PHF20: variants seen among roughly 807,000 people sequenced by gnomAD.
The protein encoded by PHF20 is glioma-expressed antigen 2.
In PHF20, 23 loss-of-function variants were observed where a neutral mutation model predicts 113.5. That is an observed-to-expected ratio of 0.20 (90% CI 0.15 to 0.29). PHF20 has a LOEUF of 0.29. Ranked by LOEUF, PHF20 falls within the 10% of genes least tolerant of loss-of-function variation. The pLI is 1.00. For missense variants in PHF20, 943 were observed against 1,219.6 expected, an observed-to-expected ratio of 0.77 and a Z score of 3.38; for synonymous variants, 434 against 457.3, an observed-to-expected ratio of 0.95 and a Z score of 0.65.
intron 7 of PHF20, 41 bp from the exon 8 acceptor site, chr20:35,870,914 T>C: frequency 6.8e-6 from 10 of 1,462,458 alleles, no homozygotes; most frequent in Non-Finnish European, 9.2e-6. Flanking sequence ...TTATTTCTTC[T>C]TGTTGGTCTC....
chr20:35,904,094 T>C (rs79242605), intron 10 of PHF20, among the ~76,000 whole-genome samples: 9,093 of 152,030 alleles, frequency 0.06, 428 homozygotes, highest in African/African-American at 0.13. Context: ...GGGAGTTCAG[T>C]TGGGGAGACG....
chr20:35,913,003 C>G (rs552621703), intron 10 of PHF20, among the ~76,000 whole-genome samples: 1 of 152,182 alleles, frequency 6.6e-6, no homozygotes, highest in African/African-American at 2.4e-5. Flanking sequence ...GTGAAAGACA[C>G]GTAACCAATG....
intron 2 of PHF20, among the ~76,000 whole-genome samples, chr20:35,817,070 G>A (rs1333375329): frequency 2.0e-5 from 3 of 151,768 alleles, no homozygotes; most frequent in African/African-American, 7.3e-5. Flanking sequence ...GATTACAGAC[G>A]TGAGCCACTG....
At chr20:35,922,330 T>A (rs1285121721) in intron 13 of PHF20, among the ~76,000 whole-genome samples, 1 of 152,240 alleles carries the variant, frequency 6.6e-6, no homozygotes, top group African/African-American at 2.4e-5. Context: ...TAGAGGGAGC[T>A]AGCTAGAACA....
Position 35,950,316 on chromosome 20 carries a change from A to G in PHF20, c.*2689A>G, listed in dbSNP as rs766919613. On this transcript the variant is annotated 3_prime_UTR_variant, in exon 18 of 18. Transcript: ENST00000374012. The stretch of plus-strand genomic sequence containing the variant: ...GTTGCTTTGAAGCAATATTTGCAAA[A>G]CACGCAGACTTCTGTATCTGTATTT... 1 of 152,652 alleles carries G rather than the reference A, an allele frequency of 6.6e-6. No homozygotes were observed. The highest frequency in any genetic ancestry group is 6.5e-5 in the Admixed American group (1 of 15,278). 9.5% of individuals were successfully genotyped at this position (152,652 alleles called of 1,614,324 possible).
At chr20:35,777,883 A>G (rs2041207158) in intron 1 of PHF20, among the ~76,000 whole-genome samples, 1 of 152,188 alleles carries the variant, frequency 6.6e-6, no homozygotes, top group Non-Finnish European at 1.5e-5. Flanking sequence ...AGAAATCTGT[A>G]TTTCAAATAA....
chr20:35,935,217 G>T (rs1170979339), intron 15 of PHF20, among the ~76,000 whole-genome samples: 3 of 152,058 alleles, frequency 2.0e-5, no homozygotes, highest in Non-Finnish European at 2.9e-5. Context: ...AATAATAATT[G>T]TTATCCTCCC....
intron 5 of PHF20, among the ~76,000 whole-genome samples, chr20:35,861,773 T>C (rs1264927348): frequency 1.3e-5 from 2 of 152,196 alleles, no homozygotes; most frequent in Non-Finnish European, 2.9e-5. Flanking sequence ...CAAACCTGGC[T>C]GCTTTCAGAA....
intron 10 of PHF20, among the ~76,000 whole-genome samples, chr20:35,907,876 T>G (rs191185096): frequency 1.3e-5 from 2 of 152,350 alleles, no homozygotes; most frequent in East Asian, 3.9e-4. Context: ...TCTAATGCTG[T>G]GTCAGAGGGG....
At chr20:35,847,189 C>T (rs1030480295) in intron 3 of PHF20, among the ~76,000 whole-genome samples, 161 bp from the exon 4 acceptor site, 4 of 152,132 alleles carry the variant, frequency 2.6e-5, no homozygotes, top group African/African-American at 9.7e-5. Flanking sequence ...ATAGCAACTC[C>T]TAGTGTTGAA....
intron 4 of PHF20, among the ~76,000 whole-genome samples, chr20:35,857,577 T>TTG (rs1260296521): frequency 2.9e-4 from 38 of 131,338 alleles, no homozygotes; most frequent in African/African-American, 1.1e-3. Flanking sequence ...TTTTTTTTTT[T>TTG]TTTTTTTTTG....
At chr20:35,915,207 C>T (rs147832434) in intron 12 of PHF20, among the ~76,000 whole-genome samples, 1 of 150,434 alleles carries the variant, frequency 6.6e-6, no homozygotes, top group Non-Finnish European at 1.5e-5. Context: ...CCAGTGTGTC[C>T]TGCTACAGGA....
Position 35,811,573 on chromosome 20 carries a change from G to T in PHF20, c.83+9968G>T, listed in dbSNP as rs1277325003. On this transcript the variant is annotated intron_variant, in intron 2 of 17. Transcript: ENST00000374012. Reference sequence around the variant, plus strand: ...TTCTTCTGTCTCAGTCTCCCAAGCAGCTCGGATTACATGCATGCGCCACCA... The same window carrying T: ...TTCTTCTGTCTCAGTCTCCCAAGCATCTCGGATTACATGCATGCGCCACCA... Among the ~76,000 whole-genome samples, 5 of 151,616 alleles carry T rather than the reference G, an allele frequency of 3.3e-5. No individual in the cohort carries two copies. In the East Asian group the frequency reaches 9.7e-4, roughly 29 times the overall value.
At chr20:35,858,637 C>T (rs1208755704) in intron 5 of PHF20, among the ~76,000 whole-genome samples, 1 of 152,238 alleles carries the variant, frequency 6.6e-6, no homozygotes, top group Non-Finnish European at 1.5e-5. Context: ...ATGGTGCGAT[C>T]TTGGCTCACT....
intron 9 of PHF20, among the ~76,000 whole-genome samples, chr20:35,872,582 C>T (rs1270644542): frequency 6.6e-6 from 1 of 152,114 alleles, no homozygotes; most frequent in Admixed American, 6.6e-5. Context: ...TAGCAGCATC[C>T]TACACATTTT....
chr20:35,897,971 G>C (rs989664051), intron 9 of PHF20, among the ~76,000 whole-genome samples: 1 of 151,984 alleles, frequency 6.6e-6, no homozygotes, highest in South Asian at 2.1e-4. Context: ...CGCCTCCCAG[G>C]TTCAAGCGAT....
chr20:35,818,094 G>A (rs1435030220), intron 2 of PHF20, among the ~76,000 whole-genome samples: 1 of 151,990 alleles, frequency 6.6e-6, no homozygotes, highest in Non-Finnish European at 1.5e-5. Context: ...GACCAGCCTG[G>A]CCAACATGGT....
chr20:35,816,007 A>T (rs1279485611), intron 2 of PHF20, among the ~76,000 whole-genome samples: 1 of 151,942 alleles, frequency 6.6e-6, no homozygotes, highest in Non-Finnish European at 1.5e-5. Context: ...CCCAGACTAG[A>T]CTGCAGGGGC....
At chr20:35,777,785 A>G (rs1290525543) in intron 1 of PHF20, among the ~76,000 whole-genome samples, 2 of 152,216 alleles carry the variant, frequency 1.3e-5, no homozygotes, top group Non-Finnish European at 2.9e-5. Flanking sequence ...CAGCTGGGTG[A>G]CAGCACGAGA....
Sources: gnomAD v4.1 joint callset for allele counts (sites outside exome capture counted in the v4.1 genomes callset) on GRCh38, gnomAD v4.1.1 for gene constraint, MANE v1.5 for transcripts, NCBI Gene and HGNC (gene_info 2026-07-23, HGNC 2026-07-21) for gene names.